Variants in HYAL4 observed in about 807,000 individuals in gnomAD.
The protein encoded by HYAL4 is hyaluronidase 4, also known as hyaluronidase-4.
In HYAL4, 37 loss-of-function variants were observed where a neutral mutation model predicts 35.2. That is an observed-to-expected ratio of 1.05 (90% CI 0.81 to 1.38). The LOEUF (loss-of-function observed/expected upper bound fraction) is 1.38. Among genes scored for constraint, HYAL4 ranks in the 40% most tolerant of loss-of-function variants. The probability of loss-of-function intolerance (pLI) is 0.00; values close to 1 mark genes in which losing one functional copy is unlikely to be tolerated. For missense variants in HYAL4, 572 were observed against 572.4 expected (o/e 1.00, Z 0.01); for synonymous variants, 198 against 203.2 (o/e 0.97, Z 0.22).
the HYAL4 span, among the ~76,000 whole-genome samples, chr7:123,777,588 G>A: frequency 8.7e-3 from 1,323 of 152,188 alleles, 20 homozygotes; most frequent in African/African-American, 0.03. Flanking sequence ...CACTCCTTGA[G>A]GATAGGTTCT....
the HYAL4 span, among the ~76,000 whole-genome samples, chr7:123,822,026 CAT>C: frequency 6.6e-6 from 1 of 152,074 alleles, no homozygotes; most frequent in South Asian, 2.1e-4. Flanking sequence ...ATACCAGAAA[CAT>C]AGTGTTTTAA....
Position 123,877,024 on chromosome 7 carries a change from C to A in HYAL4, c.1315C>A (p.Gln439Lys). 2 of 1,614,180 alleles carry A rather than the reference C, an allele frequency of 1.2e-6. No individual in the cohort carries two copies. Among genetic ancestry groups the A allele is most frequent in the South Asian group, 1.1e-5 (1 of 91,080 alleles). The change falls in exon 5 of 5, where the codon CAG (glutamine) becomes AAG (lysine). Residue 439 changes from glutamine to lysine, a missense_variant. By Grantham distance (53) the Gln-to-Lys change is moderately conservative (BLOSUM62 1). Transcript: ENST00000223026. ...AGATACATTTTCCTGTCATTGTTAT[C>A]AGGGATATGAAGGAGCTGATTGCAG... is the stretch of plus-strand genomic sequence containing the variant. The part of the protein sequence containing the change: ...MADTFSCHCY[Q>K]GYEGADCREI...
At chr7:123,774,276 C>G in the HYAL4 span, among the ~76,000 whole-genome samples, 2 of 152,122 alleles carry the variant, frequency 1.3e-5, no homozygotes, top group African/African-American at 4.8e-5. Context: ...TGGCTTCAAG[C>G]AATCCTCCCA....
chr7:123,821,417 T>G, the HYAL4 span, among the ~76,000 whole-genome samples: 1 of 152,226 alleles, frequency 6.6e-6, no homozygotes, highest in Admixed American at 6.5e-5. Context: ...TTTGAGCGTC[T>G]TTTCATATAC....
At chr7:123,787,591 AC>A in the HYAL4 span, among the ~76,000 whole-genome samples, 73 of 151,870 alleles carry the variant, frequency 4.8e-4, no homozygotes, top group Non-Finnish European at 8.8e-4. Context: ...TGGGAATAAG[AC>A]CCAAGTCCCT....
chr7:123,840,114 G>A (rs1048068664), upstream of HYAL4, among the ~76,000 whole-genome samples: 3 of 152,146 alleles, frequency 2.0e-5, no homozygotes, highest in Non-Finnish European at 4.4e-5. Context: ...GGTTTTTATG[G>A]CTTTAGGTCT....
chr7:123,823,744 T>TAC, the HYAL4 span, among the ~76,000 whole-genome samples: 44 of 112,902 alleles, frequency 3.9e-4, no homozygotes, highest in South Asian at 3.5e-3. Context: ...TATATATATA[T>TAC]ACACACACAC....
intron 1 of HYAL4, among the ~76,000 whole-genome samples, chr7:123,831,353 C>T (rs1380949238): frequency 6.6e-6 from 1 of 152,178 alleles, no homozygotes; most frequent in African/African-American, 2.4e-5. Context: ...TCTTTATAAA[C>T]TACCCAGCCT....
At chr7:123,850,928 A>T (rs1806291501) in intron 2 of HYAL4, among the ~76,000 whole-genome samples, 1 of 152,254 alleles carries the variant, frequency 6.6e-6, no homozygotes, top group Non-Finnish European at 1.5e-5. Flanking sequence ...CTGGAAATCA[A>T]AATCTATTGT....
the HYAL4 span, among the ~76,000 whole-genome samples, chr7:123,799,539 A>G: frequency 6.6e-6 from 1 of 151,744 alleles, no homozygotes; most frequent in Non-Finnish European, 1.5e-5. Flanking sequence ...CTGTAATCCC[A>G]GCACTTTGGG....
At chr7:123,809,429 T>C in the HYAL4 span, among the ~76,000 whole-genome samples, 1 of 144,192 alleles carries the variant, frequency 6.9e-6, no homozygotes. Flanking sequence ...AGAGTCTGAC[T>C]CCGTTGCCCA....
At chr7:123,867,801 C>G (rs1806726266) in intron 2 of HYAL4, among the ~76,000 whole-genome samples, 1 of 152,082 alleles carries the variant, frequency 6.6e-6, no homozygotes. Context: ...CTCAGTTTCC[C>G]CATTTGTAAA....
At chr7:123,857,726 TTTCTTTC>T (rs1490594297) in intron 2 of HYAL4, among the ~76,000 whole-genome samples, 6 of 141,084 alleles carry the variant, frequency 4.3e-5, no homozygotes, top group African/African-American at 1.6e-4. Flanking sequence ...TCTTTCTTTC[TTTCTTTC>T]AATAGAAACA....
In HYAL4 at chr7:123,877,181, G is replaced by GT; in HGVS notation, c.*27dup. On this transcript the variant is annotated 3_prime_UTR_variant, in exon 5 of 5. Transcript: ENST00000223026. The stretch of plus-strand genomic sequence containing the variant: ...GATAATTGAGTTTAAAGGGAATTGT[G>GT]TGGCCTCTAGCCTAGTCATTTAAAG... The GT allele has an allele frequency of 6.3e-7, 1 of 1,597,030 alleles. No individual in the cohort carries two copies. The highest frequency in any genetic ancestry group is 8.5e-7 in the Non-Finnish European group (1 of 1,170,182).
chr7:123,771,330 A>G, the HYAL4 span, among the ~76,000 whole-genome samples: 1 of 152,180 alleles, frequency 6.6e-6, no homozygotes. Flanking sequence ...AAAATGAGGG[A>G]TACAGATTTC....
the HYAL4 span, among the ~76,000 whole-genome samples, chr7:123,786,644 G>C: frequency 1.2e-4 from 18 of 151,890 alleles, no homozygotes; most frequent in Non-Finnish European, 2.6e-4. Context: ...TGGGGTAGTT[G>C]CTTTGTCTGC....
chr7:123,860,068 G>C (rs959543282), intron 2 of HYAL4, among the ~76,000 whole-genome samples: 3 of 152,160 alleles, frequency 2.0e-5, no homozygotes, highest in East Asian at 3.8e-4. Flanking sequence ...TTTCCCCCAT[G>C]CTGTTCTCCT....
At chr7:123,789,394 G>A in the HYAL4 span, among the ~76,000 whole-genome samples, 1 of 152,152 alleles carries the variant, frequency 6.6e-6, no homozygotes. Context: ...AGGGCTGACT[G>A]GGGAGGGAGG....
chr7:123,803,735 C>A, the HYAL4 span, among the ~76,000 whole-genome samples: 1 of 152,196 alleles, frequency 6.6e-6, no homozygotes, highest in Non-Finnish European at 1.5e-5. Context: ...CAGCAGATCT[C>A]CATGTGAAGA....
Sources: allele counts gnomAD v4.1 joint callset (sites outside exome capture counted in the v4.1 genomes callset), GRCh38; gene constraint gnomAD v4.1.1; transcripts MANE v1.5; gene names NCBI Gene and HGNC (gene_info 2026-07-23, HGNC 2026-07-21).